Variants in SRGAP3 observed in about 807,000 individuals in gnomAD.
The protein encoded by SRGAP3 is SLIT-ROBO Rho GTPase activating protein 3.
SRGAP3 carries 39 observed loss-of-function variants against 121.1 expected under a neutral mutation model. That is an observed-to-expected ratio of 0.32 (90% CI 0.25 to 0.42). The LOEUF (loss-of-function observed/expected upper bound fraction) is 0.42, where lower values mean the gene tolerates loss of function less well. Among genes scored for constraint, SRGAP3 ranks in the 10% least tolerant of loss-of-function variants. The pLI, the probability that SRGAP3 is intolerant of heterozygous loss-of-function variation, is 1.00. For missense variants in SRGAP3, 1,213 were observed against 1,470.6 expected, an observed-to-expected ratio of 0.82 and a Z score of 2.86; for synonymous variants, 601 against 570.0, an observed-to-expected ratio of 1.05 and a Z score of -0.77.
rs1047037102 is a variant in SRGAP3, at chr3:9,058,343, A to C, written c.931T>G (p.Ser311Ala). Residue 311 changes from serine (S) to alanine (A), a missense_variant, in exon 7 of 22, where the codon TCC (serine) becomes GCC (alanine). Physicochemically the swap from Ser to Ala is moderately conservative, Grantham distance 99. This residue lies in a region of SRGAP3 where 793 missense variants were observed against 1,032.9 expected (regional missense o/e 0.77). Transcript: ENST00000383836. ...VIENAVDNLDSRSDKHTVMDM... is the reference protein window; with the variant it reads ...VIENAVDNLDARSDKHTVMDM... ...ATGACTGTGTGCTTGTCACTTCGGG[A>C]ATCCAGGTTGTCCACTGCATTCTCA... The C allele has an allele frequency of 4.3e-6, 7 of 1,614,116 alleles. No individual in the cohort carries two copies. The African/African-American group carries it at 9.3e-5, about 22-fold the overall frequency.
chr3:9,068,961 C>CA (rs971434437), intron 4 of SRGAP3, among the ~76,000 whole-genome samples: 4 of 152,018 alleles, frequency 2.6e-5, no homozygotes, highest in East Asian at 1.9e-4. Context: ...ATTTATTTCT[C>CA]AAAAAAACCC....
intron 3 of SRGAP3, among the ~76,000 whole-genome samples, chr3:9,299,638 G>A (rs868205778): frequency 2.6e-5 from 4 of 152,166 alleles, no homozygotes; most frequent in Non-Finnish European, 4.4e-5. Context: ...GGCCAGGTGA[G>A]GTGGCTCACG....
intron 2 of SRGAP3, among the ~76,000 whole-genome samples, chr3:9,108,920 G>A (rs1948518635): frequency 6.6e-6 from 1 of 152,130 alleles, no homozygotes; most frequent in African/African-American, 2.4e-5. Flanking sequence ...AAACTTCCTG[G>A]AAAACAGCAG....
chr3:9,243,675 C>A (rs1346487336), intron 1 of SRGAP3, among the ~76,000 whole-genome samples: 1 of 149,976 alleles, frequency 6.7e-6, no homozygotes, highest in African/African-American at 2.5e-5. Context: ...AGAAAAGGGA[C>A]TGGTTTTTTG....
At chr3:8,991,599 A>T (rs1942060106) in intron 20 of SRGAP3, among the ~76,000 whole-genome samples, 2 of 152,214 alleles carry the variant, frequency 1.3e-5, no homozygotes, top group African/African-American at 4.8e-5. Context: ...AGCGGGTTTA[A>T]GCAAGATCCT....
chr3:9,078,965 G>C, intron 4 of SRGAP3, among the ~76,000 whole-genome samples: 1 of 152,174 alleles, frequency 6.6e-6, no homozygotes, highest in Admixed American at 6.5e-5. Context: ...TGGGATCTGA[G>C]GCAGGCTTTC....
chr3:9,224,951 G>C (rs977205155), intron 1 of SRGAP3, among the ~76,000 whole-genome samples: 1 of 152,180 alleles, frequency 6.6e-6, no homozygotes, highest in African/African-American at 2.4e-5. Context: ...TTCTATTGCA[G>C]AGCAGGGCAA....
chr3:9,215,368 G>GCA (rs1952581236), intron 1 of SRGAP3, among the ~76,000 whole-genome samples: 1 of 112,870 alleles, frequency 8.9e-6, no homozygotes, highest in African/African-American at 4.1e-5. Context: ...CCCAGAGGTG[G>GCA]GAGATTTTCT....
At chr3:9,093,796 C>T (rs1947858086) in intron 3 of SRGAP3, among the ~76,000 whole-genome samples, 1 of 152,190 alleles carries the variant, frequency 6.6e-6, no homozygotes, top group African/African-American at 2.4e-5. Flanking sequence ...GCTCATTTCA[C>T]TCCCCATTCA....
chr3:9,285,334 A>T (rs1403597659), intron 3 of SRGAP3, among the ~76,000 whole-genome samples: 1 of 152,186 alleles, frequency 6.6e-6, no homozygotes, highest in African/African-American at 2.4e-5. Flanking sequence ...TTGCTGCTCT[A>T]AAATATGACA....
At chr3:9,070,848 C>T (rs905121234) in intron 4 of SRGAP3, among the ~76,000 whole-genome samples, 1 of 152,116 alleles carries the variant, frequency 6.6e-6, no homozygotes, top group African/African-American at 2.4e-5. Flanking sequence ...TGCAGGTCGC[C>T]GCCCTCATAG....
At chr3:9,308,026 A>G (rs1487930889) in intron 3 of SRGAP3, among the ~76,000 whole-genome samples, 1 of 152,202 alleles carries the variant, frequency 6.6e-6, no homozygotes, top group Non-Finnish European at 1.5e-5. Context: ...GTGGTGGTGC[A>G]TGCCTGTAAT....
At chr3:9,229,234 G>C (rs1953112845) in intron 1 of SRGAP3, among the ~76,000 whole-genome samples, 1 of 152,184 alleles carries the variant, frequency 6.6e-6, no homozygotes, top group Admixed American at 6.5e-5. Context: ...GCACTTCTAA[G>C]AAGCTCAAAG....
intron 14 of SRGAP3, 142 bp from the exon 15 acceptor site, chr3:9,015,873 C>G (rs948864095): frequency 1.8e-5 from 16 of 867,376 alleles, no homozygotes; most frequent in Middle Eastern, 3.1e-4. Flanking sequence ...TGAGGCCCCC[C>G]ACTTCAGCAA....
chr3:9,167,023 C>T (rs925397186), intron 1 of SRGAP3, among the ~76,000 whole-genome samples: 1 of 152,190 alleles, frequency 6.6e-6, no homozygotes, highest in Admixed American at 6.5e-5. Flanking sequence ...ACTCAACTAT[C>T]CCTGTTCTTC....
rs749678988 is a variant in SRGAP3 at position 9,080,115 on chromosome 3, G to T, written c.424-28C>A. 7 of 1,613,064 alleles carry T rather than the reference G, an allele frequency of 4.3e-6. No individual in the cohort carries two copies. The Admixed American group carries it at 5.0e-5, about 12-fold the overall frequency. The stretch of plus-strand genomic sequence containing the variant: ...GGAATGTGGAAGAACAAATGTCAGC[G>T]GGGGAGAAGTTTGCTGGCTACATTT... On this transcript the variant is annotated intron_variant, in intron 3 of 21. Coordinates refer to ENST00000383836, the MANE Select transcript of SRGAP3 (RefSeq NM_014850.4).
intron 8 of SRGAP3, among the ~76,000 whole-genome samples, chr3:9,054,096 T>C (rs1426450387): frequency 1.3e-5 from 2 of 152,260 alleles, no homozygotes; most frequent in Admixed American, 6.5e-5. Flanking sequence ...CATTCATTTC[T>C]TGGCTTCTTT....
At chr3:9,055,243 G>A (rs1372372850) in intron 8 of SRGAP3, among the ~76,000 whole-genome samples, 1 of 152,202 alleles carries the variant, frequency 6.6e-6, no homozygotes, top group African/African-American at 2.4e-5. Context: ...CCTTTGTGGA[G>A]ATGAAAAGCA....
chr3:9,079,485 G>A (rs1277141564), intron 4 of SRGAP3, among the ~76,000 whole-genome samples: 4 of 152,212 alleles, frequency 2.6e-5, no homozygotes, highest in Non-Finnish European at 4.4e-5. Flanking sequence ...AAAGTCAGCC[G>A]TGGACCACAC....
Sources: allele counts gnomAD v4.1 joint callset (sites outside exome capture counted in the v4.1 genomes callset), GRCh38; gene constraint gnomAD v4.1.1; regional missense constraint gnomAD v4.1.1; transcripts MANE v1.5; gene names NCBI Gene and HGNC (gene_info 2026-07-23, HGNC 2026-07-21).